LRRC37A2: variants seen among roughly 807,000 people sequenced by gnomAD.
LRRC37A2 encodes the protein leucine rich repeat containing 37 member A2.
A neutral mutation model predicts 68.8 loss-of-function variants in LRRC37A2; 9 were observed. The ratio of observed to expected loss-of-function variants is 0.13; its 90% CI spans 0.08 to 0.23. The LOEUF is 0.23. LRRC37A2 is among the 10% of genes least tolerant of loss of function. The pLI, the probability that LRRC37A2 is intolerant of heterozygous loss-of-function variation, is 1.00. For synonymous variants in LRRC37A2, 63 were observed against 367.6 expected, an observed-to-expected ratio of 0.17 and a Z score of 9.48; for missense variants, 168 against 950.4, an observed-to-expected ratio of 0.18 and a Z score of 10.82.
At chr17:46,768,219 A>G in the LRRC37A2 span, 2 of 1,565,530 alleles carry the variant, frequency 1.3e-6, no homozygotes, top group South Asian at 2.3e-5. The surrounding 1 kb of genome is among the most constrained non-coding windows in gnomAD (Gnocchi z 5.0). Flanking sequence ...TAGCTTAGAA[A>G]CAGAAGGGGG....
chr17:46,488,655 A>G, the LRRC37A2 span, among the ~76,000 whole-genome samples: 1 of 132,072 alleles, frequency 7.6e-6, no homozygotes, highest in African/African-American at 2.9e-5. Flanking sequence ...CAGTGAGCCA[A>G]GATCGCACCA....
At chr17:46,786,444 G>A in the LRRC37A2 span, among the ~76,000 whole-genome samples, 3 of 152,214 alleles carry the variant, frequency 2.0e-5, no homozygotes, top group East Asian at 3.9e-4. Flanking sequence ...GCCCAGAGGG[G>A]TGTCCAGAGA....
At chr17:46,862,526 G>A in the LRRC37A2 span, among the ~76,000 whole-genome samples, 1 of 152,176 alleles carries the variant, frequency 6.6e-6, no homozygotes, top group South Asian at 2.1e-4. Flanking sequence ...TGAATCTGTG[G>A]CAAATTCTGA....
At chr17:46,969,997 TCTC>T in the LRRC37A2 span, among the ~76,000 whole-genome samples, 3 of 152,158 alleles carry the variant, frequency 2.0e-5, no homozygotes, top group South Asian at 6.2e-4. Context: ...GGGGGTCAAA[TCTC>T]CTGGCTCTAG....
At chr17:47,028,846 T>C in the LRRC37A2 span, among the ~76,000 whole-genome samples, 3 of 150,854 alleles carry the variant, frequency 2.0e-5, no homozygotes, top group African/African-American at 7.3e-5. Context: ...TTGCAGACAT[T>C]TAAGCAGTTA....
chr17:46,879,157 T>C, the LRRC37A2 span, among the ~76,000 whole-genome samples: 1 of 152,368 alleles, frequency 6.6e-6, no homozygotes, highest in Non-Finnish European at 1.5e-5. Flanking sequence ...ATTTATATTA[T>C]TTATATAGTT....
At chr17:46,742,052 C>T in the LRRC37A2 span, among the ~76,000 whole-genome samples, 1 of 152,290 alleles carries the variant, frequency 6.6e-6, no homozygotes, top group East Asian at 1.9e-4. Flanking sequence ...CTGCACTGGC[C>T]AATAGTACTT....
At position 46,549,241 on chromosome 17, in the gene LRRC37A2, C is replaced by G. The variant is rs1200295910; in HGVS notation, c.4102C>G (p.Gln1368Glu). The change falls in exon 10 of 15, where the codon CAA becomes GAA. Residue 1368 changes from glutamine to glutamate, a missense_variant. Gln to Glu is a conservative substitution (Grantham distance 29). Coordinates refer to ENST00000576629, the Ensembl canonical transcript of LRRC37A2. The stretch of plus-strand genomic sequence containing the variant: ...TTCATCCTTAGGAGACCTGAGTCCT[C>G]AAGAAAACCCTTTTCTGGAAGTATC... 4 of 1,611,106 alleles carry G rather than the reference C, an allele frequency of 2.5e-6. No individual in the cohort carries two copies. The African/African-American group carries it at 5.5e-5, about 22-fold the overall frequency.
At chr17:46,879,505 A>C in the LRRC37A2 span, among the ~76,000 whole-genome samples, 5 of 152,122 alleles carry the variant, frequency 3.3e-5, no homozygotes, top group Non-Finnish European at 5.9e-5. Context: ...GGCATTTGTA[A>C]AGCACTTTGC....
At chr17:46,994,401 T>G in the LRRC37A2 span, among the ~76,000 whole-genome samples, 4 of 143,714 alleles carry the variant, frequency 2.8e-5, no homozygotes, top group Admixed American at 7.1e-5. Flanking sequence ...AAAAGAAAAA[T>G]GCTGGTGGGG....
chr17:46,828,865 G>C, the LRRC37A2 span, among the ~76,000 whole-genome samples: 1 of 150,090 alleles, frequency 6.7e-6, no homozygotes. Context: ...AGGAGGCTGA[G>C]GCTGGAGAAT....
the LRRC37A2 span, among the ~76,000 whole-genome samples, chr17:46,748,171 G>T: frequency 2.6e-5 from 4 of 152,108 alleles, no homozygotes; most frequent in African/African-American, 4.8e-5. Context: ...GCAATGGCGT[G>T]ATCTTGGCTC....
At chr17:46,887,787 A>AAGAAAGAT in the LRRC37A2 span, among the ~76,000 whole-genome samples, 1 of 152,044 alleles carries the variant, frequency 6.6e-6, no homozygotes, top group African/African-American at 2.4e-5. Context: ...GAAAGAAAGA[A>AAGAAAGAT]AGAAATCTCT....
the LRRC37A2 span, among the ~76,000 whole-genome samples, chr17:46,968,135 C>T: frequency 3.9e-5 from 6 of 152,146 alleles, no homozygotes; most frequent in South Asian, 1.2e-3. Flanking sequence ...TGTTCCTTCT[C>T]TTCAGCTCCA....
chr17:46,873,127 C>G, the LRRC37A2 span, among the ~76,000 whole-genome samples: 1 of 132,128 alleles, frequency 7.6e-6, no homozygotes, highest in Non-Finnish European at 1.7e-5. Context: ...CACACACACA[C>G]ACACACGAAA....
the LRRC37A2 span, among the ~76,000 whole-genome samples, chr17:46,610,109 C>CTG: frequency 1.7e-5 from 2 of 119,708 alleles, no homozygotes. Flanking sequence ...TTCTCTCTCT[C>CTG]TCTCTCTCTC....
chr17:46,819,778 C>G, the LRRC37A2 span, among the ~76,000 whole-genome samples: 8 of 152,262 alleles, frequency 5.3e-5, no homozygotes, highest in African/African-American at 1.9e-4. The surrounding 1 kb of genome is among the most constrained non-coding windows in gnomAD (Gnocchi z 5.3). Flanking sequence ...TTCCAGGCCC[C>G]CTTCGGGCTT....
the LRRC37A2 span, chr17:46,773,623 T>TGCCCCCCCCC: frequency 1.0e-5 from 4 of 383,492 alleles, no homozygotes; most frequent in Non-Finnish European, 2.1e-5. Context: ...TCCTGATCCC[T>TGCCCCCCCCC]CCCCCCACCC....
At chr17:46,899,089 G>T in the LRRC37A2 span, among the ~76,000 whole-genome samples, 1 of 152,086 alleles carries the variant, frequency 6.6e-6, no homozygotes, top group African/African-American at 2.4e-5. Flanking sequence ...CCATAAAAAG[G>T]AATGAAGTAC....
Sources: gnomAD v4.1 joint callset for allele counts (sites outside exome capture counted in the v4.1 genomes callset) on GRCh38, gnomAD v4.1.1 for gene constraint, Gnocchi (gnomAD v3.1) non-coding constraint, MANE v1.5 for transcripts, NCBI Gene and HGNC (gene_info 2026-07-23, HGNC 2026-07-21) for gene names.